The following UMAD1 variants were observed in gnomAD, a reference collection of about 807,000 sequenced individuals.
UMAD1 encodes UBAP1-MVB12-associated (UMA)-domain containing protein 1.
Under a neutral mutation model 6.1 loss-of-function variants are expected in UMAD1, and 8 were observed. That is an observed-to-expected ratio of 1.30 (90% CI 0.76 to 2.35). The LOEUF (loss-of-function observed/expected upper bound fraction) is 2.35, where lower values mean the gene tolerates loss of function less well. Ranked by LOEUF, UMAD1 falls within the 30% of genes most tolerant of loss-of-function variation. The pLI is 0.00. For synonymous variants in UMAD1, 56 were observed against 31.4 expected, an observed-to-expected ratio of 1.78 and a Z score of -2.61; for missense variants, 130 against 78.4, an observed-to-expected ratio of 1.66 and a Z score of -2.49.
At chr7:7,845,613 C>T (rs940465258) in intron 3 of UMAD1, among the ~76,000 whole-genome samples, 1 of 152,060 alleles carries the variant, frequency 6.6e-6, no homozygotes, top group Non-Finnish European at 1.5e-5. Flanking sequence ...CAAAGAGTCT[C>T]TCTATACTGT....
chr7:7,718,090 C>T (rs866047984), intron 2 of UMAD1, among the ~76,000 whole-genome samples: 2 of 152,112 alleles, frequency 1.3e-5, no homozygotes, highest in African/African-American at 4.8e-5. Context: ...TTATTAACTT[C>T]ACATTGTTGT....
intron 2 of UMAD1, among the ~76,000 whole-genome samples, chr7:7,677,788 C>T (rs1161807526): frequency 6.7e-6 from 1 of 149,202 alleles, no homozygotes; most frequent in African/African-American, 2.5e-5. Context: ...ATTCTCCTGC[C>T]TCAGCCTCCC....
intron 2 of UMAD1, among the ~76,000 whole-genome samples, chr7:7,683,940 A>G (rs556580523): frequency 1.4e-4 from 21 of 152,292 alleles, no homozygotes; most frequent in African/African-American, 4.8e-4. Context: ...ATTTTCTATG[A>G]GTAATATACA....
chr7:7,695,981 G>A (rs925446455), intron 2 of UMAD1, among the ~76,000 whole-genome samples: 19 of 130,740 alleles, frequency 1.5e-4, no homozygotes, highest in East Asian at 1.1e-3. Flanking sequence ...GTATATCTCC[G>A]TTTTTTTTTT....
At chr7:7,772,568 T>G (rs1782122117) in intron 2 of UMAD1, 1 of 152,228 alleles carries the variant, frequency 6.6e-6, no homozygotes, top group Non-Finnish European at 1.5e-5. Context: ...AACTCTTGTT[T>G]CCAGTGTACT....
chr7:7,664,782 T>G (rs996043821), intron 1 of UMAD1, among the ~76,000 whole-genome samples: 1 of 152,208 alleles, frequency 6.6e-6, no homozygotes, highest in African/African-American at 2.4e-5. Context: ...TCACTCAAGA[T>G]TAAAGCTACC....
At chr7:7,655,197 G>A (rs1282973856) in intron 1 of UMAD1, among the ~76,000 whole-genome samples, 1 of 152,132 alleles carries the variant, frequency 6.6e-6, no homozygotes, top group African/African-American at 2.4e-5. Context: ...ATGGCAGACA[G>A]AGCCAGCCAT....
chr7:7,873,167 A>G (rs1784360996), intron 3 of UMAD1, among the ~76,000 whole-genome samples: 1 of 152,160 alleles, frequency 6.6e-6, no homozygotes, highest in Admixed American at 6.5e-5. Context: ...TGAGGCACGG[A>G]GAAGTTAAAT....
intron 3 of UMAD1, among the ~76,000 whole-genome samples, chr7:7,808,928 A>T (rs531093923): frequency 6.6e-6 from 1 of 151,950 alleles, no homozygotes; most frequent in African/African-American, 2.4e-5. Flanking sequence ...TGGTATTGAG[A>T]TACTCCTGTG....
At chr7:7,817,426 A>G (rs946597054) in intron 3 of UMAD1, among the ~76,000 whole-genome samples, 1 of 152,268 alleles carries the variant, frequency 6.6e-6, no homozygotes, top group Non-Finnish European at 1.5e-5. Flanking sequence ...ACTCTTAACC[A>G]TGAAAAGCTC....
chr7:7,756,048 G>A (rs13234192), intron 2 of UMAD1, among the ~76,000 whole-genome samples: 66,864 of 152,000 alleles, frequency 0.44, 15,004 homozygotes, highest in African/African-American at 0.48. Context: ...CCTGGGAGCG[G>A]GGGACTCAAG....
At chr7:7,742,972 C>T (rs1191776850) in intron 2 of UMAD1, among the ~76,000 whole-genome samples, 1 of 151,996 alleles carries the variant, frequency 6.6e-6, no homozygotes, top group Non-Finnish European at 1.5e-5. Flanking sequence ...TTGTAAAGCA[C>T]GTGCGTTTTA....
intron 3 of UMAD1, among the ~76,000 whole-genome samples, chr7:7,817,649 A>T (rs1783157975): frequency 6.6e-6 from 1 of 152,186 alleles, no homozygotes; most frequent in South Asian, 2.1e-4. Context: ...TGTCCAATTT[A>T]ACCTGCCACA....
intron 2 of UMAD1, among the ~76,000 whole-genome samples, chr7:7,730,150 G>A (rs1304482494): frequency 1.3e-5 from 2 of 152,184 alleles, no homozygotes; most frequent in African/African-American, 4.8e-5. Flanking sequence ...TTGCTTTCCA[G>A]TTATGTGAGC....
chr7:7,680,662 A>G (rs1338522526), intron 2 of UMAD1, among the ~76,000 whole-genome samples: 1 of 151,252 alleles, frequency 6.6e-6, no homozygotes, highest in Non-Finnish European at 1.5e-5. Context: ...TGATTCTTCC[A>G]ATCCATAAAT....
chr7:7,728,844 T>TAAATAAA, intron 2 of UMAD1, among the ~76,000 whole-genome samples: 1 of 152,188 alleles, frequency 6.6e-6, no homozygotes, highest in Non-Finnish European at 1.5e-5. Context: ...ACAATATTTA[T>TAAATAAA]AGTGGGCCTA....
intron 2 of UMAD1, among the ~76,000 whole-genome samples, chr7:7,710,472 CATT>C (rs1411687936): frequency 1.3e-5 from 2 of 152,152 alleles, no homozygotes; most frequent in Non-Finnish European, 2.9e-5. Context: ...GAATAAGTGT[CATT>C]AGCCATAATG....
chr7:7,652,715 A>G (rs1785251006), intron 1 of UMAD1, among the ~76,000 whole-genome samples: 1 of 152,212 alleles, frequency 6.6e-6, no homozygotes, highest in Non-Finnish European at 1.5e-5. Context: ...TGGGCCCTCA[A>G]AAGATGTTGG....
chr7:7,669,783 G>C (rs139595734), intron 1 of UMAD1, among the ~76,000 whole-genome samples: 2 of 152,216 alleles, frequency 1.3e-5, no homozygotes, highest in Non-Finnish European at 2.9e-5. Flanking sequence ...TAATAATTTC[G>C]GAACTGTCTG....
Sources: gnomAD v4.1 joint callset for allele counts (sites outside exome capture counted in the v4.1 genomes callset) on GRCh38, gnomAD v4.1.1 for gene constraint, MANE v1.5 for transcripts, NCBI Gene and HGNC (gene_info 2026-07-23, HGNC 2026-07-21) for gene names.